Variants in TMEM181 observed in about 807,000 individuals in gnomAD.
The protein encoded by TMEM181 is transmembrane protein 181.
Under a neutral mutation model 71.9 loss-of-function variants are expected in TMEM181, and 39 were observed. The ratio of observed to expected loss-of-function variants is 0.54; its 90% CI spans 0.42 to 0.71. TMEM181 has a LOEUF of 0.71. TMEM181 is among the 30% of genes least tolerant of loss of function. The pLI, the probability that TMEM181 is intolerant of heterozygous loss-of-function variation, is 0.00. For missense variants in TMEM181, 595 were observed against 583.0 expected (o/e 1.02, Z -0.21); for synonymous variants, 245 against 228.8 (o/e 1.07, Z -0.64).
intron 1 of TMEM181, among the ~76,000 whole-genome samples, chr6:158,567,643 G>C (rs1182439809): frequency 6.6e-6 from 1 of 152,210 alleles, no homozygotes; most frequent in African/African-American, 2.4e-5. Context: ...GAGTGGGCCA[G>C]CCTGGAGTCT....
At chr6:158,605,136 GTGTGTGT>G in intron 6 of TMEM181, 124 bp from the exon 7 acceptor site, 1 of 395,008 alleles carries the variant, frequency 2.5e-6, no homozygotes, top group South Asian at 2.7e-5. Flanking sequence ...AAAAAAGTGT[GTGTGTGT>G]GTGTGTGTGT....
chr6:158,547,410 T>G (rs1160173541), intron 1 of TMEM181, among the ~76,000 whole-genome samples: 1 of 152,228 alleles, frequency 6.6e-6, no homozygotes, highest in Non-Finnish European at 1.5e-5. Context: ...CTGCAGATAC[T>G]GAGACCCACT....
chr6:158,544,496 C>A (rs1781461362), intron 1 of TMEM181, among the ~76,000 whole-genome samples: 1 of 152,130 alleles, frequency 6.6e-6, no homozygotes, highest in Non-Finnish European at 1.5e-5. Context: ...GCTGGGGTAT[C>A]ACGGTCACGT....
intron 10 of TMEM181, among the ~76,000 whole-genome samples, chr6:158,622,863 C>T (rs1229840512): frequency 6.6e-6 from 1 of 152,236 alleles, no homozygotes; most frequent in Non-Finnish European, 1.5e-5. Context: ...TGGCTTTCCA[C>T]TGTCCACCGA....
chr6:158,584,465 C>T (rs1037742262), intron 4 of TMEM181, among the ~76,000 whole-genome samples: 3 of 152,222 alleles, frequency 2.0e-5, no homozygotes, highest in South Asian at 2.1e-4. Context: ...GCAGAGGTGC[C>T]GACACCTCCC....
At chr6:158,596,902 C>G (rs570057090) in intron 6 of TMEM181, among the ~76,000 whole-genome samples, 1 of 152,304 alleles carries the variant, frequency 6.6e-6, no homozygotes, top group East Asian at 1.9e-4. Flanking sequence ...GGGTCCCTCC[C>G]ACAACACATG....
rs1162210659 is a variant in TMEM181, at chr6:158,633,574, T to C, written c.*1686T>C. On this transcript the variant is annotated 3_prime_UTR_variant, in exon 17 of 17. Coordinates refer to ENST00000684151, the MANE Select transcript of TMEM181 (RefSeq NM_001376852.1). ...TCAGATTACCATGCAGAGCTTCACG[T>C]TATCATCCACGTTAAGTAGTGCTAG... 1 of 151,540 alleles carries C rather than the reference T, an allele frequency of 6.6e-6. No homozygotes were observed. Among genetic ancestry groups the C allele is most frequent in the African/African-American group, 2.4e-5 (1 of 41,100 alleles). 9.4% of individuals were successfully genotyped at this position (151,540 alleles called of 1,614,324 possible).
At chr6:158,600,624 C>G (rs906636420) in intron 6 of TMEM181, among the ~76,000 whole-genome samples, 5 of 151,822 alleles carry the variant, frequency 3.3e-5, no homozygotes, top group Admixed American at 3.3e-4. Flanking sequence ...GCAAGCACCA[C>G]CACGCCCGGC....
In TMEM181 at chr6:158,568,058, G is replaced by T. The variant is rs368955891; in HGVS notation, c.9-5362G>T. On this transcript the variant is annotated intron_variant, in intron 1 of 16. Coordinates refer to ENST00000684151, the MANE Select transcript of TMEM181 (RefSeq NM_001376852.1). ...CAGCTGGCAGGAGTTTTTGGGGCCT[G>T]AACAGTGGGACTGGCGTGCTGGGGA... Among the ~76,000 whole-genome samples, 46 of 152,218 alleles carry T rather than the reference G, an allele frequency of 3.0e-4. No homozygotes were observed. The East Asian group carries it at 5.8e-3, about 19-fold the overall frequency.
intron 1 of TMEM181, among the ~76,000 whole-genome samples, chr6:158,544,165 A>G (rs1002337815): frequency 8.2e-5 from 9 of 110,318 alleles, no homozygotes; most frequent in Admixed American, 5.0e-4. Flanking sequence ...GAGGTTTCTC[A>G]GGTGCAAATT....
upstream of TMEM181, among the ~76,000 whole-genome samples, chr6:158,557,505 A>ATTATTTATTTATGTAT (rs1781939660): frequency 6.8e-6 from 1 of 146,834 alleles, no homozygotes; most frequent in African/African-American, 2.5e-5. Flanking sequence ...CACAGCTGTA[A>ATTATTTATTTATGTAT]TTATTTATTT....
intron 2 of TMEM181, among the ~76,000 whole-genome samples, chr6:158,573,891 C>G (rs1354249374): frequency 2.0e-5 from 3 of 150,918 alleles, no homozygotes; most frequent in African/African-American, 7.3e-5. Flanking sequence ...TGGAAGAGCT[C>G]TGATGCAGCT....
chr6:158,622,342 A>T (rs2128326943), intron 10 of TMEM181, among the ~76,000 whole-genome samples: 1 of 152,232 alleles, frequency 6.6e-6, no homozygotes, highest in South Asian at 2.1e-4. Context: ...GTGTGGGATA[A>T]GTGAGGGGAA....
At chr6:158,547,105 C>T (rs528825844) in intron 1 of TMEM181, among the ~76,000 whole-genome samples, 31 of 152,238 alleles carry the variant, frequency 2.0e-4, no homozygotes, top group African/African-American at 3.6e-4. Flanking sequence ...AACATGGCGA[C>T]GCTTCATCTC....
intron 2 of TMEM181, among the ~76,000 whole-genome samples, chr6:158,576,978 T>C (rs1266379106): frequency 6.8e-6 from 1 of 146,172 alleles, no homozygotes; most frequent in Non-Finnish European, 1.5e-5. Context: ...AGGAGAATGG[T>C]GTGAACCCGG....
rs752767468 is a variant in TMEM181 at position 158,631,829 on chromosome 6, C to T, written c.1369C>T (p.Pro457Ser). 4 of 1,599,538 alleles carry T rather than the reference C, an allele frequency of 2.5e-6. No homozygotes were observed. The highest frequency in any genetic ancestry group is 2.3e-5 in the South Asian group (2 of 88,410). ...TCACAGGAGTGACTATGAGGAAATG[C>T]CGCTGCAGAACGGCCAGGCCATCCG... ...VIYGSDYEEM[P>S]LQNGQAIRAK... Residue 457 changes from proline (P) to serine (S), a missense_variant, in exon 17 of 17, where the codon CCG becomes TCG. Physicochemically the swap from Pro to Ser is moderately conservative, Grantham distance 74 (BLOSUM62 -1). Coordinates refer to ENST00000684151, the MANE Select transcript of TMEM181 (RefSeq NM_001376852.1).
At chr6:158,631,551 C>G (rs780789682) in intron 16 of TMEM181, among the ~76,000 whole-genome samples, 162 bp downstream of exon 16, 3 of 152,144 alleles carry the variant, frequency 2.0e-5, no homozygotes, top group Non-Finnish European at 4.4e-5. Flanking sequence ...AGTATTCAGG[C>G]TTAGATGTGG....
At chr6:158,549,157 G>A (rs946788194) in intron 1 of TMEM181, among the ~76,000 whole-genome samples, 7 of 116,744 alleles carry the variant, frequency 6.0e-5, no homozygotes, top group Non-Finnish European at 1.1e-4. Context: ...TCTCTCTGTT[G>A]CCCAGGCTGG....
intron 1 of TMEM181, among the ~76,000 whole-genome samples, chr6:158,541,845 C>G (rs1411019111): frequency 7.0e-6 from 1 of 142,962 alleles, no homozygotes; most frequent in African/African-American, 2.6e-5. Context: ...TCTTTTGTTT[C>G]TTTTTTTGGT....
Sources: gnomAD v4.1 joint callset for allele counts (sites outside exome capture counted in the v4.1 genomes callset) on GRCh38, gnomAD v4.1.1 for gene constraint, MANE v1.5 for transcripts, NCBI Gene and HGNC (gene_info 2026-07-23, HGNC 2026-07-21) for gene names.